The following DAGLB variants were observed in gnomAD, a reference collection of about 807,000 sequenced individuals.
The protein encoded by DAGLB is diacylglycerol lipase-beta.
DAGLB carries 66 observed loss-of-function variants against 72.1 expected under a neutral mutation model. The observed-to-expected ratio is 0.92, with a 90% confidence interval of 0.75 to 1.12. The LOEUF is 1.12. Among genes scored for constraint, DAGLB ranks in the 50% most tolerant of loss-of-function variants. The pLI, the probability that DAGLB is intolerant of heterozygous loss-of-function variation, is 0.00. For synonymous variants in DAGLB, 414 were observed against 359.5 expected (o/e 1.15, Z -1.71); for missense variants, 1,065 against 884.9 (o/e 1.20, Z -2.58).
At chr7:6,424,955 A>T in intron 7 of DAGLB, 120 bp from the exon 8 acceptor site, 3 of 916,628 alleles carry the variant, frequency 3.3e-6, no homozygotes, top group Non-Finnish European at 3.5e-6. Flanking sequence ...AGAGGAGGGG[A>T]CACCGCCTCT....
chr7:6,444,454 T>C (rs1784933126), intron 2 of DAGLB, among the ~76,000 whole-genome samples: 1 of 151,844 alleles, frequency 6.6e-6, no homozygotes, highest in Non-Finnish European at 1.5e-5. Flanking sequence ...ATACAAAAAT[T>C]AGCCAGGCGT....
In DAGLB at chr7:6,426,027, C is replaced by A; in HGVS notation, c.1017G>T (p.Leu339=). The change falls in exon 7 of 15, where the codon CTG becomes CTT. Residue 339 remains leucine, a synonymous_variant. Coordinates refer to ENST00000297056, the MANE Select transcript of DAGLB (RefSeq NM_139179.4). ...HFGSILHTTG[L]QYRDFIHVSF... is the part of the protein sequence containing the mutation. ...TGACGTGGATGAAGTCCCTGTACTG[C>A]AGCCCTGTGGTGTGCAGGATGGAGC... The A allele has an allele frequency of 1.9e-6, 3 of 1,614,142 alleles. No individual in the cohort carries two copies. The highest frequency in any genetic ancestry group is 1.7e-6 in the Non-Finnish European group (2 of 1,180,006).
intron 13 of DAGLB, chr7:6,412,603 C>T (rs547885832): frequency 2.6e-5 from 16 of 619,312 alleles, no homozygotes; most frequent in African/African-American, 2.6e-4. Flanking sequence ...TGTTTCCTCC[C>T]TGTGACATTT....
intron 13 of DAGLB, among the ~76,000 whole-genome samples, chr7:6,410,786 A>G (rs1274249433): frequency 6.6e-6 from 1 of 152,144 alleles, no homozygotes; most frequent in Non-Finnish European, 1.5e-5. Context: ...TTGGCTCCAC[A>G]ATCTGCCTCC....
chr7:6,442,829 G>A (rs1784873655), intron 2 of DAGLB, among the ~76,000 whole-genome samples: 3 of 152,098 alleles, frequency 2.0e-5, no homozygotes, highest in South Asian at 2.1e-4. Context: ...GAGGTGGGTG[G>A]ATCAGCTAAG....
At chr7:6,411,159 A>G (rs1163335731) in intron 13 of DAGLB, among the ~76,000 whole-genome samples, 1 of 151,532 alleles carries the variant, frequency 6.6e-6, no homozygotes, top group African/African-American at 2.4e-5. Context: ...GGCGTGAGCC[A>G]CCGCGCCCGG....
intron 2 of DAGLB, among the ~76,000 whole-genome samples, chr7:6,444,676 C>T (rs111623915): frequency 0.051 from 7,778 of 152,132 alleles, 496 homozygotes; most frequent in African/African-American, 0.15. Flanking sequence ...CAGACATTTC[C>T]GCAAAAATGA....
At chr7:6,414,177 A>G (rs4724803) in intron 11 of DAGLB, among the ~76,000 whole-genome samples, 25,208 of 151,142 alleles carry the variant, frequency 0.17, 2,488 homozygotes, top group East Asian at 0.24. Context: ...CGCCCAGCTA[A>G]TTTTTTGTAT....
At chr7:6,411,086 G>GTGTTAGCTAGGA (rs1395681958) in intron 13 of DAGLB, among the ~76,000 whole-genome samples, 1 of 151,464 alleles carries the variant, frequency 6.6e-6, no homozygotes, top group Non-Finnish European at 1.5e-5. Context: ...GGGTTTCACC[G>GTGTTAGCTAGGA]TGGTCTCTAT....
chr7:6,415,191 A>G lies in DAGLB; in HGVS notation c.1427+1436T>C, dbSNP rs78744761. On this transcript the variant is annotated intron_variant, in intron 11 of 14. Coordinates refer to ENST00000297056, the MANE Select transcript of DAGLB (RefSeq NM_139179.4). ...AAAAAAAAAAAAAGACAGCAAGAAAACAGACGACTGAAATTTAAGTTTTAA... is the reference window on the plus strand; with the variant it reads ...AAAAAAAAAAAAAGACAGCAAGAAAGCAGACGACTGAAATTTAAGTTTTAA... Among the ~76,000 whole-genome samples, 54 of 152,040 alleles carry G rather than the reference A, an allele frequency of 3.6e-4. 1 individual carries two copies. In the East Asian group the frequency reaches 7.9e-3, roughly 22 times the overall value.
At chr7:6,430,356 T>C (rs1195529455) in intron 6 of DAGLB, 124 bp downstream of exon 6, 8 of 1,192,690 alleles carry the variant, frequency 6.7e-6, no homozygotes, top group African/African-American at 1.6e-5. Context: ...TCACAGCTGG[T>C]GACTCTAGGT....
At position 6,409,921 on chromosome 7, in the gene DAGLB, C is replaced by T; in HGVS notation, c.1935G>A (p.Met645Ile). Residue 645 changes from methionine (M) to isoleucine (I), a missense_variant, in exon 15 of 15, where the codon ATG becomes ATA. By Grantham distance (10) the Met-to-Ile change is conservative. Transcript: ENST00000297056. ...CGGAGACCACGCTGTCCAAGGCCCG[C>T]ATCAGGATGTCTGGCATGTGGTCGG... Reference protein sequence around the residue: ...MLTDHMPDILMRALDSVVSDR... With the variant: ...MLTDHMPDILIRALDSVVSDR... 1 of 1,614,110 alleles carries T rather than the reference C, an allele frequency of 6.2e-7. No homozygotes were observed. Among genetic ancestry groups the T allele is most frequent in the South Asian group, 1.1e-5 (1 of 91,086 alleles).
Position 6,409,650 on chromosome 7 carries a change from G to A in DAGLB, c.*187C>T. 1.4e-6 allele frequency: 1 copy of A among 719,826 alleles called. No homozygotes were observed. Among genetic ancestry groups the A allele is most frequent in the East Asian group, 2.8e-5 (1 of 36,340 alleles). The allele number at this position is 719,826 out of a possible 1,614,324, so 44.6% of individuals were successfully genotyped here. A position where few individuals can be genotyped will look rare whatever the true frequency, so the allele number is the denominator to read the frequency against. ...TCACCTGAGCGTGCTCACTACTTCT[G>A]CTACCATTATGGCCACAATGACTTC... On this transcript the variant is annotated 3_prime_UTR_variant, in exon 15 of 15. Transcript: ENST00000297056.
chr7:6,431,268 T>C (rs935832132), intron 5 of DAGLB, among the ~76,000 whole-genome samples: 6 of 151,992 alleles, frequency 3.9e-5, no homozygotes, highest in Non-Finnish European at 8.8e-5. Flanking sequence ...GCAGCGAAGA[T>C]ACATACCGTC....
intron 11 of DAGLB, 55 bp downstream of exon 11, chr7:6,416,572 T>G: frequency 6.5e-7 from 1 of 1,543,840 alleles, no homozygotes. Flanking sequence ...AAGATGAGTC[T>G]TGACCACATG....
At chr7:6,446,723 T>C (rs1306220741) in intron 1 of DAGLB, among the ~76,000 whole-genome samples, 3 of 150,266 alleles carry the variant, frequency 2.0e-5, no homozygotes, top group Non-Finnish European at 1.5e-5. Flanking sequence ...CAATAAAAGA[T>C]CTAGGCCCGG....
In DAGLB at chr7:6,410,365, G is replaced by A. The variant is rs749607702; in HGVS notation, c.1585C>T (p.His529Tyr). The A allele has an allele frequency of 1.2e-6, 2 of 1,612,826 alleles. No individual in the cohort carries two copies. The highest frequency in any genetic ancestry group is 1.7e-6 in the Non-Finnish European group (2 of 1,179,290). The stretch of plus-strand genomic sequence containing the variant: ...CCAAACAGTTCGTACCACAAACCGT[G>A]CAGCAAGATCTTGTACTGAGGGCGA... ...CNKPKYKILL[H>Y]GLWYELFGGN... Residue 529 changes from histidine to tyrosine, a missense_variant, in exon 14 of 15, where the codon CAC (histidine) becomes TAC (tyrosine). Coordinates refer to ENST00000297056, the MANE Select transcript of DAGLB (RefSeq NM_139179.4).
intron 6 of DAGLB, among the ~76,000 whole-genome samples, chr7:6,429,091 A>G (rs961511901): frequency 1.3e-5 from 2 of 152,116 alleles, no homozygotes; most frequent in African/African-American, 4.8e-5. Flanking sequence ...GGTCTGAGCC[A>G]CCACGCCCGG....
intron 9 of DAGLB, chr7:6,417,262 T>TAAA (rs59619113): frequency 1.0e-4 from 16 of 159,900 alleles, no homozygotes; most frequent in African/African-American, 3.3e-4. Flanking sequence ...CTGACTCTAC[T>TAAA]AAAAAAAAAA....
Sources: gnomAD v4.1 joint callset for allele counts (sites outside exome capture counted in the v4.1 genomes callset) on GRCh38, gnomAD v4.1.1 for gene constraint, MANE v1.5 for transcripts, NCBI Gene and HGNC (gene_info 2026-07-23, HGNC 2026-07-21) for gene names.